Variants in MDGA1 observed in about 807,000 individuals in gnomAD.
MDGA1 encodes the protein MAM domain containing glycosylphosphatidylinositol anchor 1.
MDGA1 carries 54 observed loss-of-function variants against 101.5 expected under a neutral mutation model. The ratio of observed to expected loss-of-function variants is 0.53; its 90% CI spans 0.43 to 0.67. MDGA1 has a LOEUF of 0.67. Among genes scored for constraint, MDGA1 ranks in the 30% least tolerant of loss-of-function variants. The probability of loss-of-function intolerance (pLI) is 0.00; values close to 1 mark genes in which losing one functional copy is unlikely to be tolerated. For synonymous variants in MDGA1, 533 were observed against 558.3 expected (o/e 0.95, Z 0.64); for missense variants, 1,083 against 1,323.8 (o/e 0.82, Z 2.82).
chr6:37,637,082 A>G lies in MDGA1; in HGVS notation c.*286T>C. ...ATTCAGGCAAGTCCCCTGTCTTTGC[A>G]GTAAAGAAGGTGCTGGCAGGTCAGA... On this transcript the variant is annotated 3_prime_UTR_variant, in exon 17 of 17. Coordinates refer to ENST00000434837, the MANE Select transcript of MDGA1 (RefSeq NM_153487.4). 1 of 321,262 alleles carries G rather than the reference A, an allele frequency of 3.1e-6. No individual in the cohort carries two copies. Among genetic ancestry groups the G allele is most frequent in the Non-Finnish European group, 5.7e-6 (1 of 174,252 alleles). 19.9% of individuals were successfully genotyped at this position (321,262 alleles called of 1,614,324 possible). A position where few individuals can be genotyped will look rare whatever the true frequency, so the allele number is the denominator to read the frequency against.
intron 2 of MDGA1, among the ~76,000 whole-genome samples, chr6:37,662,235 C>G (rs929415325): frequency 3.3e-5 from 5 of 150,580 alleles, no homozygotes; most frequent in African/African-American, 1.2e-4. Flanking sequence ...TCTACTGCAA[C>G]GGTCCAAGCG....
At chr6:37,687,876 A>G (rs1762228963) in intron 1 of MDGA1, among the ~76,000 whole-genome samples, 1 of 152,160 alleles carries the variant, frequency 6.6e-6, no homozygotes, top group African/African-American at 2.4e-5. Context: ...TGTGTTTCTG[A>G]AGGAGACTCC....
chr6:37,692,579 A>G (rs1762335319), intron 1 of MDGA1, among the ~76,000 whole-genome samples: 1 of 151,538 alleles, frequency 6.6e-6, no homozygotes, highest in African/African-American at 2.4e-5. Context: ...CACTGCCCGG[A>G]TTTCCACTCC....
intron 12 of MDGA1, 53 bp downstream of exon 12, chr6:37,645,880 G>A: frequency 6.3e-7 from 1 of 1,596,758 alleles, no homozygotes. Flanking sequence ...CACCAGGAGA[G>A]CCTTTGTGTC....
intron 1 of MDGA1, among the ~76,000 whole-genome samples, chr6:37,683,253 G>A (rs543130476): frequency 6.6e-6 from 1 of 152,254 alleles, no homozygotes; most frequent in Non-Finnish European, 1.5e-5. Context: ...TTGGATTCTG[G>A]CCACAAAATC....
intron 2 of MDGA1, among the ~76,000 whole-genome samples, chr6:37,659,977 T>G (rs1761582402): frequency 1.3e-5 from 2 of 152,152 alleles, no homozygotes; most frequent in African/African-American, 4.8e-5. Context: ...GTATGCTTTA[T>G]GCATCTGAGA....
At chr6:37,653,523 C>G (rs2114026875) in intron 6 of MDGA1, among the ~76,000 whole-genome samples, 1 of 152,120 alleles carries the variant, frequency 6.6e-6, no homozygotes, top group African/African-American at 2.4e-5. Flanking sequence ...TTAAAAAGAA[C>G]AACCAAAACC....
intron 1 of MDGA1, among the ~76,000 whole-genome samples, chr6:37,673,649 C>T (rs1212635891): frequency 6.6e-6 from 1 of 152,040 alleles, no homozygotes; most frequent in African/African-American, 2.4e-5. Context: ...CACAGCCCCG[C>T]TCTCTGCAGA....
chr6:37,675,917 C>G (rs1236801455), intron 1 of MDGA1, among the ~76,000 whole-genome samples: 2 of 152,164 alleles, frequency 1.3e-5, no homozygotes, highest in African/African-American at 4.8e-5. Context: ...CCTATTGAAC[C>G]AAGCCCACGG....
chr6:37,690,771 T>TC (rs1484017879), intron 1 of MDGA1, among the ~76,000 whole-genome samples: 1 of 47,234 alleles, frequency 2.1e-5, no homozygotes, highest in Non-Finnish European at 3.8e-5. Flanking sequence ...AGACTCCACC[T>TC]CAAAAAAAAA....
chr6:37,652,280 T>C lies in MDGA1; in HGVS notation c.1043A>G (p.Gln348Arg), dbSNP rs373404673. 4 of 1,613,882 alleles carry C rather than the reference T, an allele frequency of 2.5e-6. No individual in the cohort carries two copies. The highest frequency in any genetic ancestry group is 3.4e-6 in the Non-Finnish European group (4 of 1,179,898). ...CGATAGCTTCAGGTCCTGGCCCAGC[T>C]GGATGTTCTCACTCTCTTTGATCAC... ...PDVIKESENI[Q>R]LGQDLKLSCH... is the part of the protein sequence containing the mutation. Residue 348 changes from glutamine (Q) to arginine (R), a missense_variant, in exon 7 of 17, where the codon CAG becomes CGG. Transcript: ENST00000434837. This position sits in a 1 kb window ranked among gnomAD's most constrained non-coding sequence, Gnocchi z 4.3.
intron 1 of MDGA1, among the ~76,000 whole-genome samples, chr6:37,689,508 G>A (rs1212964194): frequency 2.0e-5 from 3 of 152,206 alleles, no homozygotes; most frequent in Non-Finnish European, 4.4e-5. Context: ...CCTAAGCACC[G>A]TCTCATCACA....
intron 1 of MDGA1, among the ~76,000 whole-genome samples, chr6:37,680,127 C>G (rs1168386198): frequency 1.3e-5 from 2 of 152,058 alleles, no homozygotes; most frequent in African/African-American, 4.8e-5. Context: ...ACTCCCCTCC[C>G]GGGGGCGGGG....
chr6:37,674,525 C>T (rs1282075943), intron 1 of MDGA1, among the ~76,000 whole-genome samples: 2 of 152,188 alleles, frequency 1.3e-5, no homozygotes, highest in East Asian at 3.8e-4. Flanking sequence ...GGATGTTCAG[C>T]ACCACTGCGC....
chr6:37,646,052 A>G, intron 11 of MDGA1, 96 bp from the exon 12 acceptor site: 1 of 1,595,078 alleles, frequency 6.3e-7, no homozygotes, highest in Non-Finnish European at 8.6e-7. Context: ...CCTCAGAGCC[A>G]GGACTGGGGG....
At chr6:37,687,422 AGCCG>A (rs1232385957) in intron 1 of MDGA1, among the ~76,000 whole-genome samples, 8 of 142,404 alleles carry the variant, frequency 5.6e-5, no homozygotes, top group African/African-American at 2.1e-4. Flanking sequence ...AAAAAAAGTT[AGCCG>A]GGCATGGTGG....
At chr6:37,674,918 G>A (rs1213487636) in intron 1 of MDGA1, among the ~76,000 whole-genome samples, 1 of 152,166 alleles carries the variant, frequency 6.6e-6, no homozygotes, top group Non-Finnish European at 1.5e-5. Flanking sequence ...TTAGCTGAGT[G>A]TGGTGGCAGG....
Position 37,645,920 on chromosome 6 carries a change from T to G in MDGA1, c.2248+13A>C. 1.2e-6 allele frequency: 2 copies of G among 1,613,900 alleles called. No individual in the cohort carries two copies. Among genetic ancestry groups the G allele is most frequent in the Non-Finnish European group, 1.7e-6 (2 of 1,179,844 alleles). On this transcript the variant is annotated intron_variant, in intron 12 of 16. Coordinates refer to ENST00000434837, the MANE Select transcript of MDGA1 (RefSeq NM_153487.4). ...AAGGGAAGGGGAAGTCATGGGTGAC[T>G]GGGGAGTCTCACCTGAAAGGTTCGG...
rs749334934 is a variant in MDGA1, at chr6:37,696,812, C to T, written c.-1G>A. On this transcript the variant is annotated 5_prime_UTR_variant, in exon 1 of 17. Transcript: ENST00000434837. The surrounding 1 kb of genome is among the most constrained non-coding windows in gnomAD (Gnocchi z 5.6). ...GAAGTAGAAGGCAGGTCACCTCCAT[C>T]TTCACGGCCGGTGCTTCATCCCCGC... is the stretch of plus-strand genomic sequence containing the variant. The T allele has an allele frequency of 8.3e-6, 13 of 1,570,474 alleles. No homozygotes were observed. The highest frequency in any genetic ancestry group is 1.1e-5 in the Non-Finnish European group (13 of 1,157,322).
Sources: allele counts gnomAD v4.1 joint callset (sites outside exome capture counted in the v4.1 genomes callset), GRCh38; gene constraint gnomAD v4.1.1; non-coding constraint Gnocchi (gnomAD v3.1); transcripts MANE v1.5; gene names NCBI Gene and HGNC (gene_info 2026-07-23, HGNC 2026-07-21).